Variants in ABCD2 observed in about 807,000 individuals in gnomAD.
ABCD2 encodes ATP binding cassette subfamily D member 2.
Under a neutral mutation model 70.9 loss-of-function variants are expected in ABCD2, and 36 were observed. The ratio of observed to expected loss-of-function variants is 0.51; its 90% CI spans 0.39 to 0.67. ABCD2 has a LOEUF of 0.67. Among genes scored for constraint, ABCD2 ranks in the 30% least tolerant of loss-of-function variants. ABCD2 has a pLI of 0.00. For missense variants in ABCD2, 729 were observed against 890.2 expected (o/e 0.82, Z 2.30); for synonymous variants, 304 against 306.9 (o/e 0.99, Z 0.10).
chr12:39,586,374 A>C (rs1409598537), intron 6 of ABCD2, 77 bp from the exon 7 acceptor site: 1 of 1,443,376 alleles, frequency 6.9e-7, no homozygotes, highest in Non-Finnish European at 9.4e-7. Flanking sequence ...TGGTAGTCTG[A>C]AAACATCAGT....
At chr12:39,567,696 A>C (rs915059216) in intron 9 of ABCD2, among the ~76,000 whole-genome samples, 3 of 152,188 alleles carry the variant, frequency 2.0e-5, no homozygotes, top group Non-Finnish European at 4.4e-5. Flanking sequence ...TTTGCTCATT[A>C]GTTGATGCAA....
intron 6 of ABCD2, among the ~76,000 whole-genome samples, chr12:39,594,877 G>A (rs1370089441): frequency 6.6e-6 from 1 of 152,074 alleles, no homozygotes; most frequent in Non-Finnish European, 1.5e-5. Context: ...GGGAAGCTGA[G>A]GTGCGATAAT....
the ABCD2 span, among the ~76,000 whole-genome samples, chr12:39,531,478 G>A: frequency 6.6e-6 from 1 of 152,182 alleles, no homozygotes. Flanking sequence ...GCAGCTTCTT[G>A]TATGACAGAA....
chr12:39,534,908 GAA>G, the ABCD2 span, among the ~76,000 whole-genome samples: 1 of 85,108 alleles, frequency 1.2e-5, no homozygotes, highest in East Asian at 3.3e-4. Context: ...AAGAAAGAAA[GAA>G]AGAAAGAAAG....
At chr12:39,607,934 T>C (rs1941992871) in intron 2 of ABCD2, among the ~76,000 whole-genome samples, 1 of 151,992 alleles carries the variant, frequency 6.6e-6, no homozygotes, top group African/African-American at 2.4e-5. Flanking sequence ...TTGAGAGGCC[T>C]GGGTGGGCGG....
chr12:39,539,110 A>G, the ABCD2 span, among the ~76,000 whole-genome samples: 1 of 152,336 alleles, frequency 6.6e-6, no homozygotes, highest in Non-Finnish European at 1.5e-5. Context: ...TGATATTTCA[A>G]AAATCAGTTA....
intron 1 of ABCD2, among the ~76,000 whole-genome samples, chr12:39,617,904 G>C (rs1942138632): frequency 6.6e-6 from 1 of 152,044 alleles, no homozygotes; most frequent in African/African-American, 2.4e-5. Flanking sequence ...TTACCTTCAT[G>C]CACTGTTAGT....
chr12:39,555,552 C>T (rs1941151449), intron 9 of ABCD2, among the ~76,000 whole-genome samples: 2 of 152,082 alleles, frequency 1.3e-5, no homozygotes, highest in East Asian at 1.9e-4. Context: ...TCCAAGTCAC[C>T]CATGTCCCAA....
Position 39,573,699 on chromosome 12 carries a change from G to A in ABCD2, c.2003+17C>T. The A allele has an allele frequency of 6.3e-7, 1 of 1,590,802 alleles. No homozygotes were observed. The highest frequency in any genetic ancestry group is 1.2e-5 in the South Asian group (1 of 86,036). ...AGGAAAAACCATCTACCACAAATTA[G>A]CACTAGAAACACTTACCAAAGAGAA... On this transcript the variant is annotated intron_variant, in intron 9 of 9. Transcript: ENST00000308666.
chr12:39,590,194 G>A (rs959677640), intron 6 of ABCD2, among the ~76,000 whole-genome samples: 2 of 152,102 alleles, frequency 1.3e-5, no homozygotes, highest in African/African-American at 4.8e-5. Context: ...TAATAGATAA[G>A]CACTCAAAGT....
chr12:39,608,794 A>T (rs753636637), intron 2 of ABCD2, among the ~76,000 whole-genome samples: 1 of 152,172 alleles, frequency 6.6e-6, no homozygotes, highest in Non-Finnish European at 1.5e-5. Context: ...CTACTAATAA[A>T]CAAACATTTA....
At chr12:39,554,507 A>G (rs1341244683) in intron 9 of ABCD2, among the ~76,000 whole-genome samples, 2 of 152,190 alleles carry the variant, frequency 1.3e-5, no homozygotes, top group African/African-American at 2.4e-5. Flanking sequence ...AAGGTCATAG[A>G]AAAACTAAGG....
At chr12:39,613,195 G>C (rs1942068762) in intron 2 of ABCD2, among the ~76,000 whole-genome samples, 1 of 91,286 alleles carries the variant, frequency 1.1e-5, no homozygotes, top group Non-Finnish European at 2.1e-5. Context: ...GACCATCCCG[G>C]CTAAAACGGT....
At chr12:39,616,434 C>A (rs1942115386) in intron 2 of ABCD2, among the ~76,000 whole-genome samples, 1 of 152,076 alleles carries the variant, frequency 6.6e-6, no homozygotes. Flanking sequence ...CCAAATCATG[C>A]TGCATAAGAG....
chr12:39,557,661 T>C (rs1941189447), intron 9 of ABCD2, among the ~76,000 whole-genome samples: 1 of 152,154 alleles, frequency 6.6e-6, no homozygotes, highest in African/African-American at 2.4e-5. Context: ...AGGAACTTGC[T>C]GCTTTGTGCA....
intron 6 of ABCD2, among the ~76,000 whole-genome samples, chr12:39,596,757 G>A (rs201415379): frequency 4.3e-4 from 65 of 152,244 alleles, no homozygotes; most frequent in East Asian, 1.7e-3. Flanking sequence ...CCAAGGAAGC[G>A]TAGGTAGTAA....
At chr12:39,584,176 C>G (rs1267940855) in intron 7 of ABCD2, among the ~76,000 whole-genome samples, 1 of 152,098 alleles carries the variant, frequency 6.6e-6, no homozygotes, top group Non-Finnish European at 1.5e-5. Flanking sequence ...TTCTCAACAT[C>G]TTGTTATTTT....
intron 2 of ABCD2, among the ~76,000 whole-genome samples, chr12:39,608,942 G>T (rs1359001418): frequency 6.6e-6 from 1 of 152,082 alleles, no homozygotes; most frequent in Admixed American, 6.5e-5. Flanking sequence ...TCTGGCATTT[G>T]TATATGTGAT....
intron 5 of ABCD2, among the ~76,000 whole-genome samples, chr12:39,603,088 T>C (rs1332683403): frequency 6.6e-6 from 1 of 152,150 alleles, no homozygotes; most frequent in Non-Finnish European, 1.5e-5. Flanking sequence ...ATGCTACTCA[T>C]CCTCTCAACT....
Sources: allele counts gnomAD v4.1 joint callset (sites outside exome capture counted in the v4.1 genomes callset), GRCh38; gene constraint gnomAD v4.1.1; transcripts MANE v1.5; gene names NCBI Gene and HGNC (gene_info 2026-07-23, HGNC 2026-07-21).